Variants in PCDHA1 observed in about 807,000 individuals in gnomAD.
PCDHA1 encodes protocadherin alpha-1.
PCDHA1 carries 42 observed loss-of-function variants against 61.3 expected under a neutral mutation model. That is an observed-to-expected ratio of 0.69 (90% CI 0.54 to 0.89). PCDHA1 has a LOEUF of 0.89. Ranked by LOEUF, PCDHA1 falls within the 40% of genes least tolerant of loss-of-function variation. The pLI is 0.00. For synonymous variants in PCDHA1, 610 were observed against 553.8 expected (o/e 1.10, Z -1.43); for missense variants, 1,256 against 1,235.3 (o/e 1.02, Z -0.25).
At chr5:140,929,557 A>AT (rs2086230665) in intron 1 of PCDHA1, 1 of 478,260 alleles carries the variant, frequency 2.1e-6, no homozygotes, top group Non-Finnish European at 3.6e-6. Flanking sequence ...ATTAAAACCT[A>AT]TTTAAGAACA....
At chr5:140,804,867 T>C in intron 1 of PCDHA1, 1 of 558,032 alleles carries the variant, frequency 1.8e-6, no homozygotes, top group South Asian at 3.0e-5. Context: ...GTAAAATAGA[T>C]ATTTTTCTTG....
At chr5:140,831,834 T>C (rs1272753389) in intron 1 of PCDHA1, among the ~76,000 whole-genome samples, 4 of 152,326 alleles carry the variant, frequency 2.6e-5, no homozygotes, top group East Asian at 3.9e-4. Context: ...CTAGTTTCAA[T>C]GATAGAATTG....
At chr5:140,898,507 C>T (rs538521734) in intron 1 of PCDHA1, among the ~76,000 whole-genome samples, 23 of 152,140 alleles carry the variant, frequency 1.5e-4, no homozygotes, top group African/African-American at 5.1e-4. Context: ...TGTAGATATG[C>T]GGCGTTATTT....
rs1587841717 is a variant in PCDHA1, at chr5:140,999,568, GA to G, written c.2543-10058del. On this transcript the variant is annotated intron_variant, in intron 3 of 3. Transcript: ENST00000504120. ...ATGAAGAGGGGGTATTTTGAGAAGA[GA>G]CTATAAAGGGAAATTGCCTTCCCTA... Among the ~76,000 whole-genome samples the G allele has an allele frequency of 2.0e-5, 3 of 152,084 alleles. No homozygotes were observed. In the South Asian group the frequency reaches 6.2e-4, roughly 32 times the overall value.
At chr5:140,887,679 C>G (rs2061539498) in intron 1 of PCDHA1, among the ~76,000 whole-genome samples, 1 of 152,058 alleles carries the variant, frequency 6.6e-6, no homozygotes, top group East Asian at 1.9e-4. Flanking sequence ...TCATTTTCAT[C>G]AAATTCAGGA....
At chr5:140,926,538 G>T (rs155362) in intron 1 of PCDHA1, 176,859 of 210,462 alleles carry the variant, frequency 0.84, 75,003 homozygotes, top group African/African-American at 0.96. Context: ...CAGCCAGCGT[G>T]GTGGTCGAGA....
chr5:140,959,300 C>T (rs887685405), intron 1 of PCDHA1, among the ~76,000 whole-genome samples: 11 of 151,854 alleles, frequency 7.2e-5, no homozygotes, highest in African/African-American at 2.7e-4. Flanking sequence ...TCACTGAGCC[C>T]GGTGGTTGAA....
rs369919324 is a variant in PCDHA1 at position 140,857,387 on chromosome 5, G to T, written c.2394+68703G>T. 3.0e-5 allele frequency: 48 copies of T among 1,598,472 alleles called. 4 individuals carry two copies. The highest frequency in any genetic ancestry group is 3.3e-5 in the Non-Finnish European group (38 of 1,167,956). ...CAGCGTGTCTGTGGAGGTGGCCGAC[G>T]TGAACGACAACGCGCCTGCGTTCGC... is the stretch of plus-strand genomic sequence containing the variant. On this transcript the variant is annotated intron_variant, in intron 1 of 3. Transcript: ENST00000504120.
At chr5:141,007,891 T>G (rs2098350311) in intron 3 of PCDHA1, among the ~76,000 whole-genome samples, 1 of 152,232 alleles carries the variant, frequency 6.6e-6, no homozygotes, top group Admixed American at 6.5e-5. Flanking sequence ...CTTTAAAAAT[T>G]TATTGTTCTT....
At chr5:140,967,579 C>G in intron 1 of PCDHA1, 7 of 1,614,154 alleles carry the variant, frequency 4.3e-6, no homozygotes, top group South Asian at 1.1e-5. Context: ...AGGACTCACC[C>G]CCAGGCACAT....
At position 140,836,060 on chromosome 5, in the gene PCDHA1, C is replaced by A; in HGVS notation, c.2394+47376C>A. ...TGCAGGTGTTCGTGCTGGACGAGAA[C>A]GACAACGCGCCGGCACTGCTGGCGC... is the stretch of plus-strand genomic sequence containing the variant. On this transcript the variant is annotated intron_variant, in intron 1 of 3. Coordinates refer to ENST00000504120, the MANE Select transcript of PCDHA1 (RefSeq NM_018900.4). 8.1e-6 allele frequency: 13 copies of A among 1,613,098 alleles called. No individual in the cohort carries two copies. The highest frequency in any genetic ancestry group is 1.1e-5 in the Non-Finnish European group (13 of 1,179,748).
chr5:140,806,966 G>T, intron 1 of PCDHA1: 2 of 604,288 alleles, frequency 3.3e-6, no homozygotes. Flanking sequence ...TTCCACAATT[G>T]CTACTTACGG....
rs2150128727 is a variant in PCDHA1 at position 140,823,745 on chromosome 5, C to T, written c.2394+35061C>T. 9 of 1,613,834 alleles carry T rather than the reference C, an allele frequency of 5.6e-6. No homozygotes were observed. The highest frequency in any genetic ancestry group is 5.5e-5 in the South Asian group (5 of 91,084). On this transcript the variant is annotated intron_variant, in intron 1 of 3. Coordinates refer to ENST00000504120, the MANE Select transcript of PCDHA1 (RefSeq NM_018900.4). ...CTGGTGAAGGACCATGGAGAGCCCCCGCTGACAGCCACAGCCACAGTGCTG... is the reference window on the plus strand; with the variant it reads ...CTGGTGAAGGACCATGGAGAGCCCCTGCTGACAGCCACAGCCACAGTGCTG...
chr5:140,998,743 T>A (rs2097832293), intron 3 of PCDHA1, among the ~76,000 whole-genome samples: 1 of 152,138 alleles, frequency 6.6e-6, no homozygotes, highest in Non-Finnish European at 1.5e-5. Flanking sequence ...TTTGTATTTT[T>A]AGAAGAGACA....
At chr5:140,997,062 G>T (rs1159348962) in intron 3 of PCDHA1, among the ~76,000 whole-genome samples, 2 of 151,910 alleles carry the variant, frequency 1.3e-5, no homozygotes, top group African/African-American at 4.8e-5. Flanking sequence ...GCAGTTTTAG[G>T]TTCACAGGAA....
rs782372222 is a variant in PCDHA1 at position 140,876,213 on chromosome 5, T to C, written c.2394+87529T>C. 11 of 1,613,846 alleles carry C rather than the reference T, an allele frequency of 6.8e-6. No homozygotes were observed. The Admixed American group carries it at 8.3e-5, about 12-fold the overall frequency. On this transcript the variant is annotated intron_variant, in intron 1 of 3. Coordinates refer to ENST00000504120, the MANE Select transcript of PCDHA1 (RefSeq NM_018900.4). The stretch of plus-strand genomic sequence containing the variant: ...GTCCGGCGTTTGATAAGCCCAGCTA[T>C]AAAGTAGTGTTGTCTGAAAATGTCC...
chr5:140,807,238 A>C, intron 1 of PCDHA1: 1 of 1,614,128 alleles, frequency 6.2e-7, no homozygotes, highest in African/African-American at 1.3e-5. Context: ...TGCTGCTCTT[A>C]CTTCTTCTCC....
At chr5:140,823,459 C>T in intron 1 of PCDHA1, 1 of 1,613,438 alleles carries the variant, frequency 6.2e-7, no homozygotes. Flanking sequence ...CGACAACGCG[C>T]CGGCGCTGCT....
intron 1 of PCDHA1, among the ~76,000 whole-genome samples, chr5:140,827,755 T>C (rs1769388112): frequency 6.6e-6 from 1 of 152,232 alleles, no homozygotes; most frequent in African/African-American, 2.4e-5. Context: ...TCCCTTACTT[T>C]AAATTAATAA....
Sources: gnomAD v4.1 joint callset for allele counts (sites outside exome capture counted in the v4.1 genomes callset) on GRCh38, gnomAD v4.1.1 for gene constraint, MANE v1.5 for transcripts, NCBI Gene and HGNC (gene_info 2026-07-23, HGNC 2026-07-21) for gene names.